EBF4: variants seen among roughly 807,000 people sequenced by gnomAD.
EBF4 encodes EBF transcription factor 4, also known as transcription factor COE4.
EBF4 carries 34 observed loss-of-function variants against 67.1 expected under a neutral mutation model. The observed-to-expected ratio is 0.51, with a 90% CI of 0.39 to 0.67. The LOEUF (loss-of-function observed/expected upper bound fraction) is 0.67, where lower values mean the gene tolerates loss of function less well. Ranked by LOEUF, EBF4 falls within the 30% of genes least tolerant of loss-of-function variation. EBF4 has a pLI of 0.00. For synonymous variants in EBF4, 387 were observed against 377.7 expected, an observed-to-expected ratio of 1.02 and a Z score of -0.29; for missense variants, 837 against 873.3, an observed-to-expected ratio of 0.96 and a Z score of 0.52.
chr20:2,696,325 A>G lies in EBF4; in HGVS notation c.137+2543A>G, dbSNP rs2087287983. On this transcript the variant is annotated intron_variant, in intron 1 of 16. Transcript: ENST00000609451. The surrounding 1 kb of genome is among the most constrained non-coding windows in gnomAD (Gnocchi z 4.7). ...TGTCTCTACTAATAATACAAAAATT[A>G]GCTGGGCGTGGTGAAGCATGCTTGT... Among the ~76,000 whole-genome samples the G allele has an allele frequency of 6.6e-6, 1 of 152,102 alleles. No individual in the cohort carries two copies. Among genetic ancestry groups the G allele is most frequent in the South Asian group, 2.1e-4 (1 of 4,826 alleles).
At chr20:2,694,092 C>A (rs930118596) in intron 1 of EBF4, among the ~76,000 whole-genome samples, 3 of 152,236 alleles carry the variant, frequency 2.0e-5, no homozygotes, top group African/African-American at 7.2e-5. Context: ...GAGCTCCCAG[C>A]CATGACCCAC....
chr20:2,706,329 T>A, intron 4 of EBF4, 65 bp downstream of exon 4: 1 of 1,535,566 alleles, frequency 6.5e-7, no homozygotes, highest in Non-Finnish European at 8.8e-7. Context: ...CTCCCCCTGG[T>A]CTGAGTGAGC....
At chr20:2,695,792 C>G (rs981111859) in intron 1 of EBF4, among the ~76,000 whole-genome samples, 5 of 151,770 alleles carry the variant, frequency 3.3e-5, no homozygotes, top group Non-Finnish European at 7.4e-5. Context: ...TCATCACGGC[C>G]TGGTTTCTCT....
intron 6 of EBF4, among the ~76,000 whole-genome samples, chr20:2,716,461 G>A (rs943066211): frequency 5.9e-5 from 9 of 151,422 alleles, no homozygotes; most frequent in African/African-American, 7.3e-5. Flanking sequence ...CTCAGGAGGC[G>A]GAGGTTGTGG....
intron 14 of EBF4, among the ~76,000 whole-genome samples, chr20:2,753,661 C>T (rs6051360): frequency 2.2e-4 from 33 of 152,362 alleles, no homozygotes; most frequent in African/African-American, 6.5e-4. Flanking sequence ...GTGCCCTCTC[C>T]TCTCCCTGTC....
intron 6 of EBF4, among the ~76,000 whole-genome samples, chr20:2,741,322 G>C (rs566209049): frequency 2.4e-4 from 37 of 151,702 alleles, no homozygotes; most frequent in African/African-American, 8.7e-4. Flanking sequence ...AAAAAAAAAA[G>C]CAGCTCCATC....
At chr20:2,752,134 A>G (rs1568588244) in exon 13 of EBF4, 3 of 1,448,962 alleles carry the variant, frequency 2.1e-6, no homozygotes, top group Non-Finnish European at 2.7e-6. Context: ...TCTGTACAGC[A>G]CCCCCCGCGC....
chr20:2,713,139 G>A (rs2087564940), intron 6 of EBF4, among the ~76,000 whole-genome samples: 1 of 152,178 alleles, frequency 6.6e-6, no homozygotes, highest in Non-Finnish European at 1.5e-5. Flanking sequence ...ATATGCTGAC[G>A]AGAAACAGCC....
chr20:2,757,815 C>T lies in EBF4; in HGVS notation c.1739-1094C>T, dbSNP rs531301249. Among the ~76,000 whole-genome samples, 17 of 152,160 alleles carry T rather than the reference C, an allele frequency of 1.1e-4. No individual in the cohort carries two copies. In the South Asian group the frequency reaches 3.1e-3, roughly 28 times the overall value. ...TAGAAAAATGAGCTGGGTGTGGTGGCGCATGCCTGTAGTCCCAGCTACTCG... is the reference window on the plus strand; with the variant it reads ...TAGAAAAATGAGCTGGGTGTGGTGGTGCATGCCTGTAGTCCCAGCTACTCG... On this transcript the variant is annotated intron_variant, in intron 15 of 16. Transcript: ENST00000609451.
Position 2,749,791 on chromosome 20 carries a change from G to A in EBF4, c.891+38G>A, listed in dbSNP as rs749043475. On this transcript the variant is annotated intron_variant, in intron 9 of 16. Transcript: ENST00000609451. ...CGCCAGTCTCCCTCTGGGCCTAGGG[G>A]CTGGGCCCTCCCCTCGCCGGTGCGG... 8 of 1,541,242 alleles carry A rather than the reference G, an allele frequency of 5.2e-6. No homozygotes were observed. In the Admixed American group the frequency reaches 1.2e-4, roughly 23 times the overall value.
chr20:2,728,976 C>T (rs541883940), intron 6 of EBF4, among the ~76,000 whole-genome samples: 1 of 152,090 alleles, frequency 6.6e-6, no homozygotes, highest in Non-Finnish European at 1.5e-5. Context: ...ATTATACTCA[C>T]TGCCACTTCA....
At chr20:2,706,032 A>G (rs1450419189) in exon 3 of EBF4, 1 of 1,551,482 alleles carries the variant, frequency 6.4e-7, no homozygotes, top group Non-Finnish European at 8.7e-7. Flanking sequence ...CTGGTGTATA[A>G]CAATGGTGAG....
In EBF4 at chr20:2,749,386, C is replaced by T. The variant is rs966447063; in HGVS notation, c.640-15C>T. On this transcript the variant is annotated splice_polypyrimidine_tract_variant and intron_variant, in intron 7 of 16. Transcript: ENST00000609451. ...CCGAGGGCCCCAGCCAGGCTGGCCT[C>T]GGCTCTCCCCGCAGGTGGTGGTGTC... 2.0e-6 allele frequency: 3 copies of T among 1,518,704 alleles called. No homozygotes were observed. In the African/African-American group the frequency reaches 4.2e-5, roughly 21 times the overall value. 94.1% of individuals were successfully genotyped at this position (1,518,704 alleles called of 1,614,324 possible). A position where few individuals can be genotyped will look rare whatever the true frequency, so the allele number is the denominator to read the frequency against.
intron 6 of EBF4, among the ~76,000 whole-genome samples, chr20:2,713,419 T>C (rs2087568526): frequency 6.6e-6 from 1 of 152,036 alleles, no homozygotes; most frequent in Non-Finnish European, 1.5e-5. Context: ...CAGTGGAAGA[T>C]AAGGATAGAG....
chr20:2,727,480 T>C (rs2146437754), intron 6 of EBF4, among the ~76,000 whole-genome samples: 1 of 152,368 alleles, frequency 6.6e-6, no homozygotes, highest in Middle Eastern at 3.4e-3. Context: ...AAGCAGGTTT[T>C]GCATCCTTTG....
chr20:2,705,761 C>CCCCGGGT lies in EBF4; in HGVS notation c.294+28_294+29insCCCGGGT, dbSNP rs1400161107. On this transcript the variant is annotated intron_variant, in intron 2 of 16. Transcript: ENST00000609451. Reference sequence around the variant, plus strand: ...GAGAGGCTCATGGGCTTGGCTGGGACTGGCCCCGGGAGGGAACCCCCAACC... The same window carrying CCCCGGGT: ...GAGAGGCTCATGGGCTTGGCTGGGACCCCGGGTTGGCCCCGGGAGGGAACCCCCAACC... The CCCCGGGT allele has an allele frequency of 1.8e-5, 27 of 1,524,886 alleles. No homozygotes were observed. In the African/African-American group the frequency reaches 3.3e-4, roughly 19 times the overall value. The allele number at this position is 1,524,886 out of a possible 1,614,324, so 94.5% of individuals were successfully genotyped here.
intron 10 of EBF4, among the ~76,000 whole-genome samples, chr20:2,750,832 G>A (rs2088133512): frequency 6.6e-6 from 1 of 152,204 alleles, no homozygotes; most frequent in African/African-American, 2.4e-5. Flanking sequence ...GGGCTGAGTG[G>A]GGAGGTTGAC....
intron 5 of EBF4, among the ~76,000 whole-genome samples, chr20:2,708,874 A>C (rs111365260): frequency 6.6e-6 from 1 of 152,230 alleles, no homozygotes; most frequent in Non-Finnish European, 1.5e-5. Context: ...TGCTGCTTTC[A>C]TGGGCAGATT....
chr20:2,732,961 A>T (rs531874339), intron 6 of EBF4, among the ~76,000 whole-genome samples: 3 of 152,182 alleles, frequency 2.0e-5, no homozygotes, highest in Non-Finnish European at 4.4e-5. Context: ...ATGTTTACCT[A>T]TGTAGTGACT....
Sources: gnomAD v4.1 joint callset for allele counts (sites outside exome capture counted in the v4.1 genomes callset) on GRCh38, gnomAD v4.1.1 for gene constraint, Gnocchi (gnomAD v3.1) non-coding constraint, MANE v1.5 for transcripts, NCBI Gene and HGNC (gene_info 2026-07-23, HGNC 2026-07-21) for gene names.